Variants in FBLN1 observed in about 807,000 individuals in gnomAD.
FBLN1 encodes fibulin 1.
In FBLN1, 34 loss-of-function variants were observed where a neutral mutation model predicts 89.7. The ratio of observed to expected loss-of-function variants is 0.38; its 90% CI spans 0.29 to 0.50. The LOEUF (loss-of-function observed/expected upper bound fraction) is 0.50, where lower values mean the gene tolerates loss of function less well. Among genes scored for constraint, FBLN1 ranks in the 20% least tolerant of loss-of-function variants. The probability of loss-of-function intolerance (pLI) is 0.92; values close to 1 mark genes in which losing one functional copy is unlikely to be tolerated. For synonymous variants in FBLN1, 393 were observed against 391.3 expected (o/e 1.00, Z -0.05); for missense variants, 777 against 988.1 (o/e 0.79, Z 2.86).
chr22:45,575,174 G>C lies in FBLN1; in HGVS notation c.1840+521G>C, dbSNP rs933833791. ...CCCATTCTCAGCTTTCCGTTCAGGTGGTCTTTTCTTATGGGTAACGGTTGT... is the reference window on the plus strand; with the variant it reads ...CCCATTCTCAGCTTTCCGTTCAGGTCGTCTTTTCTTATGGGTAACGGTTGT... On this transcript the variant is annotated intron_variant, in intron 15 of 16. Transcript: ENST00000327858. This position sits in a 1 kb window ranked among gnomAD's most constrained non-coding sequence, Gnocchi z 6.3. Among the ~76,000 whole-genome samples the C allele has an allele frequency of 2.0e-5, 3 of 152,132 alleles. No homozygotes were observed. Among genetic ancestry groups the C allele is most frequent in the African/African-American group, 7.2e-5 (3 of 41,432 alleles).
intron 2 of FBLN1, among the ~76,000 whole-genome samples, chr22:45,524,042 C>G (rs548699845): frequency 4.6e-4 from 70 of 152,344 alleles, no homozygotes; most frequent in Middle Eastern, 3.4e-3. Flanking sequence ...GCAAATCCAC[C>G]GAAAGCATGA....
In FBLN1 at chr22:45,572,301, A is replaced by G. The variant is rs1027691292; in HGVS notation, c.1698-2210A>G. ...TGTGAAAGACGACAAGGGCTGGGCCAAAAGGACCCAGGAGCCAACTTCATT... is the reference window on the plus strand; with the variant it reads ...TGTGAAAGACGACAAGGGCTGGGCCGAAAGGACCCAGGAGCCAACTTCATT... On this transcript the variant is annotated intron_variant, in intron 14 of 16. Coordinates refer to ENST00000327858, the MANE Select transcript of FBLN1 (RefSeq NM_006486.3). This position sits in a 1 kb window ranked among gnomAD's most constrained non-coding sequence, Gnocchi z 5.8. 1.3e-5 allele frequency among the ~76,000 whole-genome samples: 2 copies of G among 152,224 alleles called. No individual in the cohort carries two copies. Among genetic ancestry groups the G allele is most frequent in the African/African-American group, 4.8e-5 (2 of 41,464 alleles).
intron 4 of FBLN1, among the ~76,000 whole-genome samples, chr22:45,528,409 ATCTTGGCTC>A (rs2088359877): frequency 1.3e-5 from 2 of 151,442 alleles, no homozygotes; most frequent in African/African-American, 4.9e-5. Context: ...CAGTGGTGTG[ATCTTGGCTC>A]ACGGCAACCT....
intron 2 of FBLN1, among the ~76,000 whole-genome samples, chr22:45,519,009 G>A (rs765995126): frequency 6.6e-6 from 1 of 152,112 alleles, no homozygotes; most frequent in South Asian, 2.1e-4. Flanking sequence ...TGTGATTGTC[G>A]GGGTATGTGT....
intron 2 of FBLN1, 29 bp downstream of exon 2, chr22:45,518,816 T>C (rs1204317833): frequency 6.5e-7 from 1 of 1,540,138 alleles, no homozygotes; most frequent in East Asian, 2.3e-5. Context: ...ACTGTTTCAC[T>C]GGAACAATGT....
At chr22:45,548,895 C>A in intron 13 of FBLN1, 151 bp downstream of exon 13, 1 of 1,225,848 alleles carries the variant, frequency 8.2e-7, no homozygotes, top group Non-Finnish European at 1.1e-6. Context: ...CCCACCCCAT[C>A]CAAGGGGTGT....
intron 14 of FBLN1, chr22:45,565,517 G>A: frequency 3.5e-6 from 1 of 287,416 alleles, no homozygotes; most frequent in South Asian, 3.7e-5. Context: ...AGCTCCCCTG[G>A]CCCCAGGTGC....
intron 11 of FBLN1, among the ~76,000 whole-genome samples, chr22:45,544,118 G>A (rs2088594819): frequency 6.6e-6 from 1 of 151,116 alleles, no homozygotes; most frequent in African/African-American, 2.4e-5. Flanking sequence ...ACGGAGTCTC[G>A]CTCTGTCACC....
chr22:45,525,014 G>C (rs1034191258), intron 2 of FBLN1, among the ~76,000 whole-genome samples: 2 of 151,898 alleles, frequency 1.3e-5, no homozygotes, highest in Non-Finnish European at 2.9e-5. Context: ...AACCCGAGAC[G>C]CAGAGGCTGC....
chr22:45,525,746 C>G, intron 3 of FBLN1, 68 bp downstream of exon 3: 2 of 1,544,022 alleles, frequency 1.3e-6, no homozygotes, highest in Non-Finnish European at 8.8e-7. Flanking sequence ...GCCCTCCCAG[C>G]CAAGCGGCAC....
chr22:45,513,732 G>A (rs1379297885), intron 1 of FBLN1, among the ~76,000 whole-genome samples: 1 of 152,056 alleles, frequency 6.6e-6, no homozygotes, highest in Non-Finnish European at 1.5e-5. Context: ...GACCTCATAG[G>A]TACTCTTATC....
Position 45,577,143 on chromosome 22 carries a change from C to G in FBLN1, c.1972+35C>G. The G allele has an allele frequency of 6.2e-7, 1 of 1,611,392 alleles. No individual in the cohort carries two copies. Among genetic ancestry groups the G allele is most frequent in the Non-Finnish European group, 8.5e-7 (1 of 1,178,792 alleles). ...TGGGAATATCAGCTCTATCCAGGCA[C>G]CCCTCCCCCTCCACCCCGAAACCCT... On this transcript the variant is annotated intron_variant, in intron 16 of 16. Coordinates refer to ENST00000327858, the MANE Select transcript of FBLN1 (RefSeq NM_006486.3). This position sits in a 1 kb window ranked among gnomAD's most constrained non-coding sequence, Gnocchi z 6.6.
intron 11 of FBLN1, 128 bp downstream of exon 11, chr22:45,543,654 A>C: frequency 7.9e-7 from 1 of 1,265,244 alleles, no homozygotes; most frequent in Non-Finnish European, 1.1e-6. Flanking sequence ...TAGCAGGGGA[A>C]GTGCCTGTAA....
At chr22:45,511,758 A>G (rs985427522) in intron 1 of FBLN1, among the ~76,000 whole-genome samples, 16 of 151,960 alleles carry the variant, frequency 1.1e-4, no homozygotes, top group African/African-American at 3.6e-4. Flanking sequence ...CTCTTCCCCC[A>G]TTTTTACAGA....
chr22:45,586,989 C>T (rs141409902), intron 16 of FBLN1, among the ~76,000 whole-genome samples: 7,515 of 152,182 alleles, frequency 0.049, 274 homozygotes, highest in South Asian at 0.17. Flanking sequence ...TGCTGCCGTT[C>T]TCGTGAGCTT....
chr22:45,544,968 G>A (rs1304594701), intron 11 of FBLN1, among the ~76,000 whole-genome samples: 3 of 152,302 alleles, frequency 2.0e-5, no homozygotes, highest in Admixed American at 6.5e-5. Flanking sequence ...CCACATTGCC[G>A]ATGACACCCT....
Position 45,542,159 on chromosome 22 carries a change from G to A in FBLN1, c.1071G>A (p.Val357=). The change falls in exon 10 of 17, where the codon GTG becomes GTA. Residue 357 remains valine (V), a synonymous_variant. Coordinates refer to ENST00000327858, the MANE Select transcript of FBLN1 (RefSeq NM_006486.3). ...GCTTTCTTTCTCCTTTGCAAGATGT[G>A]GACGAGTGCGCGCCACCTGCTGAGC... ...LNEEGTRCVD[V]DECAPPAEPC... The A allele has an allele frequency of 1.2e-6, 2 of 1,614,166 alleles. No homozygotes were observed. Among genetic ancestry groups the A allele is most frequent in the Non-Finnish European group, 1.7e-6 (2 of 1,180,034 alleles).
intron 1 of FBLN1, among the ~76,000 whole-genome samples, chr22:45,516,654 G>A (rs2088173214): frequency 6.6e-6 from 1 of 152,240 alleles, no homozygotes; most frequent in Non-Finnish European, 1.5e-5. Flanking sequence ...CCTGAGGTGG[G>A]AGGGGGGCTG....
rs1436533398 is a variant in FBLN1, at chr22:45,549,242, C to A, written c.1573+498C>A. Among the ~76,000 whole-genome samples, 1 of 152,214 alleles carries A rather than the reference C, an allele frequency of 6.6e-6. No homozygotes were observed. The highest frequency in any genetic ancestry group is 2.4e-5 in the African/African-American group (1 of 41,448). On this transcript the variant is annotated intron_variant, in intron 13 of 16. Coordinates refer to ENST00000327858, the MANE Select transcript of FBLN1 (RefSeq NM_006486.3). This position sits in a 1 kb window ranked among gnomAD's most constrained non-coding sequence, Gnocchi z 5.7. ...GAATGCTCTAGGGGGCAGTGTGTGT[C>A]CCCCAGAGCCATCTGATAACCATCC...
Sources: gnomAD v4.1 joint callset for allele counts (sites outside exome capture counted in the v4.1 genomes callset) on GRCh38, gnomAD v4.1.1 for gene constraint, Gnocchi (gnomAD v3.1) non-coding constraint, MANE v1.5 for transcripts, NCBI Gene and HGNC (gene_info 2026-07-23, HGNC 2026-07-21) for gene names.